MPC2: variants seen among roughly 807,000 people sequenced by gnomAD.
MPC2 encodes the protein brain protein 44.
MPC2 carries 19 observed loss-of-function variants against 19.2 expected under a neutral mutation model. The observed-to-expected ratio is 0.99, with a 90% CI of 0.69 to 1.45. The LOEUF (loss-of-function observed/expected upper bound fraction) is 1.45, where lower values mean the gene tolerates loss of function less well. MPC2 is among the 40% of genes most tolerant of loss of function. The pLI is 0.00. For synonymous variants in MPC2, 61 were observed against 54.3 expected, an observed-to-expected ratio of 1.12 and a Z score of -0.54; for missense variants, 122 against 153.0, an observed-to-expected ratio of 0.80 and a Z score of 1.07.
At chr1:167,919,681 T>C (rs1388913865) in intron 5 of MPC2, among the ~76,000 whole-genome samples, 1 of 152,148 alleles carries the variant, frequency 6.6e-6, no homozygotes, top group African/African-American at 2.4e-5. Flanking sequence ...TGTGAGATGG[T>C]TAACCATCTA....
intron 5 of MPC2, 44 bp downstream of exon 5, chr1:167,919,935 A>G (rs570213717): frequency 6.8e-7 from 1 of 1,465,674 alleles, no homozygotes; most frequent in South Asian, 1.2e-5. Context: ...GTGCCATCTA[A>G]GTAGCTTTTG....
At chr1:167,926,077 C>T (rs918596260) in intron 2 of MPC2, among the ~76,000 whole-genome samples, 2 of 152,142 alleles carry the variant, frequency 1.3e-5, no homozygotes, top group Admixed American at 1.3e-4. Flanking sequence ...CGGCACAAAC[C>T]CTGTGGTTCC....
At chr1:167,933,583 C>A (rs1670974839) in intron 2 of MPC2, among the ~76,000 whole-genome samples, 1 of 152,164 alleles carries the variant, frequency 6.6e-6, no homozygotes, top group Non-Finnish European at 1.5e-5. Flanking sequence ...CATTTCATAT[C>A]ATTTAATAAA....
chr1:167,937,010 T>C lies in MPC2; in HGVS notation c.-129A>G. On this transcript the variant is annotated 5_prime_UTR_variant, in exon 1 of 6. Transcript: ENST00000271373. The stretch of plus-strand genomic sequence containing the variant: ...CCCGGCTGCGGAGTCGCTACCTGGG[T>C]GAGCGGGGGCCCCGGGGCGGAGGCG... 1 of 1,606,686 alleles carries C rather than the reference T, an allele frequency of 6.2e-7. No homozygotes were observed. Among genetic ancestry groups the C allele is most frequent in the South Asian group, 1.1e-5 (1 of 89,664 alleles).
chr1:167,932,808 CAAAAAAAA>C (rs965449372), intron 2 of MPC2, among the ~76,000 whole-genome samples: 2 of 54,966 alleles, frequency 3.6e-5, no homozygotes, highest in Non-Finnish European at 8.4e-5. Flanking sequence ...GACTCTGTCT[CAAAAAAAA>C]AAAAAAAAAA....
At chr1:167,925,442 CATATATATATATATATATATATAT>C (rs369657697) in intron 2 of MPC2, among the ~76,000 whole-genome samples, 1 of 82,478 alleles carries the variant, frequency 1.2e-5, no homozygotes, top group Non-Finnish European at 2.3e-5. Flanking sequence ...TACATATACA[CATATATATATATATATATATATAT>C]ATATATATAC....
chr1:167,925,745 C>T (rs1253069391), intron 2 of MPC2, among the ~76,000 whole-genome samples: 1 of 151,622 alleles, frequency 6.6e-6, no homozygotes, highest in African/African-American at 2.4e-5. Context: ...GACAGGGTTT[C>T]ACCATGTTGG....
chr1:167,930,132 T>G (rs1670868510), intron 2 of MPC2, among the ~76,000 whole-genome samples: 1 of 152,192 alleles, frequency 6.6e-6, no homozygotes, highest in Admixed American at 6.5e-5. Context: ...AGCCATATAA[T>G]TTTAATATTT....
intron 3 of MPC2, among the ~76,000 whole-genome samples, chr1:167,921,830 G>A (rs892390668): frequency 2.6e-5 from 4 of 152,018 alleles, no homozygotes; most frequent in African/African-American, 9.7e-5. Flanking sequence ...AAAAGATTTA[G>A]CTTTAAAAAA....
chr1:167,920,697 T>C (rs1670578711), intron 3 of MPC2, 66 bp from the exon 4 acceptor site: 1 of 1,472,914 alleles, frequency 6.8e-7, no homozygotes, highest in African/African-American at 1.4e-5. Context: ...TAACTTTAAA[T>C]CAAGCACAAG....
chr1:167,936,190 T>C (rs756818996), intron 1 of MPC2: 17 of 271,004 alleles, frequency 6.3e-5, no homozygotes, highest in Non-Finnish European at 1.0e-4. Context: ...CTGCCCGCCA[T>C]GATTGGCCCG....
chr1:167,925,474 TAC>T (rs1553200837), intron 2 of MPC2, among the ~76,000 whole-genome samples: 2,826 of 96,308 alleles, frequency 0.029, 37 homozygotes, highest in African/African-American at 0.041. Flanking sequence ...TATATATATA[TAC>T]ATATACATAT....
intron 1 of MPC2, chr1:167,936,497 G>T: frequency 4.7e-6 from 1 of 210,712 alleles, no homozygotes; most frequent in Non-Finnish European, 9.6e-6. Context: ...TGGCCCGAAT[G>T]CATTCTTCCA....
At chr1:167,921,040 T>C (rs535840491) in intron 3 of MPC2, among the ~76,000 whole-genome samples, 3 of 152,308 alleles carry the variant, frequency 2.0e-5, no homozygotes, top group African/African-American at 7.2e-5. Context: ...GTCATTTGTA[T>C]AGATTCTTCC....
Sources: gnomAD v4.1 joint callset for allele counts (sites outside exome capture counted in the v4.1 genomes callset) on GRCh38, gnomAD v4.1.1 for gene constraint, MANE v1.5 for transcripts, NCBI Gene and HGNC (gene_info 2026-07-23, HGNC 2026-07-21) for gene names.